PLCL2: variants seen among roughly 807,000 people sequenced by gnomAD.
PLCL2 encodes the protein inactive phospholipase C-like protein 2.
Under a neutral mutation model 79.6 loss-of-function variants are expected in PLCL2, and 4 were observed. That is an observed-to-expected ratio of 0.05 (90% CI 0.02 to 0.11). The LOEUF is 0.11. Ranked by LOEUF, PLCL2 falls within the 10% of genes least tolerant of loss-of-function variation. PLCL2 has a pLI of 1.00. For missense variants in PLCL2, 895 were observed against 1,291.0 expected (o/e 0.69, Z 4.70); for synonymous variants, 484 against 457.7 (o/e 1.06, Z -0.73).
rs184153272 is a variant in PLCL2 at position 17,050,938 on chromosome 3, A to G, written c.3094+7989A>G. On this transcript the variant is annotated intron_variant, in intron 4 of 5. Coordinates refer to ENST00000615277, the MANE Select transcript of PLCL2 (RefSeq NM_001144382.2). The stretch of plus-strand genomic sequence containing the variant: ...TGAATGGATATTGTGTGTGATACTT[A>G]TACACAATGGAGTGCTATTCAGCCA... 7.2e-5 allele frequency among the ~76,000 whole-genome samples: 11 copies of G among 152,344 alleles called. No individual in the cohort carries two copies. In the East Asian group the frequency reaches 1.3e-3, roughly 19 times the overall value.
intron 1 of PLCL2, among the ~76,000 whole-genome samples, chr3:16,938,434 C>T (rs897377902): frequency 1.3e-5 from 2 of 152,050 alleles, no homozygotes; most frequent in African/African-American, 2.4e-5. Context: ...TTCTTTCTGT[C>T]CATCCTTACC....
intron 5 of PLCL2, among the ~76,000 whole-genome samples, chr3:17,081,787 G>A (rs749836707): frequency 6.6e-6 from 1 of 152,174 alleles, no homozygotes; most frequent in Non-Finnish European, 1.5e-5. Context: ...CGCCAGACTC[G>A]CAGCAAGAGC....
intron 4 of PLCL2, among the ~76,000 whole-genome samples, chr3:17,065,822 G>A (rs1219030625): frequency 6.6e-6 from 1 of 152,072 alleles, no homozygotes; most frequent in Non-Finnish European, 1.5e-5. Context: ...CATATTTCTT[G>A]TTTGTAGAGA....
intron 1 of PLCL2, among the ~76,000 whole-genome samples, chr3:16,893,481 A>T (rs949564194): frequency 3.3e-5 from 5 of 152,204 alleles, no homozygotes; most frequent in Non-Finnish European, 5.9e-5. Flanking sequence ...GATATTGCAG[A>T]TATTAACATC....
At position 16,952,579 on chromosome 3, in the gene PLCL2, G is replaced by A. The variant is rs76665077; in HGVS notation, c.328-57095G>A. On this transcript the variant is annotated intron_variant, in intron 1 of 5. Coordinates refer to ENST00000615277, the MANE Select transcript of PLCL2 (RefSeq NM_001144382.2). ...TTTAAAAAGAATATTTAAGATTATG[G>A]GGGAAATTATTCCTGGCATCTTTAT... Among the ~76,000 whole-genome samples, 803 of 151,850 alleles carry A rather than the reference G, an allele frequency of 5.3e-3. 12 individuals carry two copies. Among genetic ancestry groups the A allele is most frequent in the African/African-American group, 0.019 (781 of 41,466 alleles).
intron 1 of PLCL2, among the ~76,000 whole-genome samples, chr3:17,000,077 T>C (rs551641659): frequency 2.6e-5 from 4 of 152,292 alleles, no homozygotes; most frequent in African/African-American, 7.2e-5. Context: ...CACAGTCTTG[T>C]AGAGCCTCTG....
chr3:16,947,065 C>T (rs1214580760), intron 1 of PLCL2, among the ~76,000 whole-genome samples: 9 of 145,608 alleles, frequency 6.2e-5, no homozygotes, highest in African/African-American at 2.3e-4. Flanking sequence ...AGGTGATCCT[C>T]CCACCTCAGC....
intron 1 of PLCL2, among the ~76,000 whole-genome samples, chr3:16,972,301 C>T: frequency 6.6e-6 from 1 of 152,146 alleles, no homozygotes; most frequent in East Asian, 1.9e-4. Flanking sequence ...AGCCCAAAAT[C>T]TCCTTAAGCT....
rs112081776 is a variant in PLCL2 at position 17,056,161 on chromosome 3, C to T, written c.3095-11795C>T. Among the ~76,000 whole-genome samples, 574 of 152,284 alleles carry T rather than the reference C, an allele frequency of 3.8e-3. 6 individuals carry two copies. Among genetic ancestry groups the T allele is most frequent in the African/African-American group, 0.013 (543 of 41,552 alleles). ...CTGAAGAGGGGTCACGAGTAACTCTCAGGCTGTTTTTAACTCTGGCACTTG... is the reference window on the plus strand; with the variant it reads ...CTGAAGAGGGGTCACGAGTAACTCTTAGGCTGTTTTTAACTCTGGCACTTG... On this transcript the variant is annotated intron_variant, in intron 4 of 5. Coordinates refer to ENST00000615277, the MANE Select transcript of PLCL2 (RefSeq NM_001144382.2).
chr3:16,924,554 G>T (rs1697200427), intron 1 of PLCL2, among the ~76,000 whole-genome samples: 1 of 152,196 alleles, frequency 6.6e-6, no homozygotes. Context: ...GACCCTGGAG[G>T]TCAGCCAGAG....
Position 16,972,284 on chromosome 3 carries a change from T to C in PLCL2, c.328-37390T>C, listed in dbSNP as rs145045874. Among the ~76,000 whole-genome samples, 142 of 152,296 alleles carry C rather than the reference T, an allele frequency of 9.3e-4. 3 individuals carry two copies. In the East Asian group the frequency reaches 0.019, roughly 20 times the overall value. ...ATGATTGTATATCTCGAAAACCCCA[T>C]TGTCTCAGCCCAAAATCTCCTTAAG... On this transcript the variant is annotated intron_variant, in intron 1 of 5. Transcript: ENST00000615277.
At chr3:17,005,362 A>G (rs1174451118) in intron 1 of PLCL2, among the ~76,000 whole-genome samples, 3 of 130,702 alleles carry the variant, frequency 2.3e-5, no homozygotes, top group Non-Finnish European at 4.8e-5. Flanking sequence ...AGGTTCACCT[A>G]TTCCTTATCC....
intron 5 of PLCL2, among the ~76,000 whole-genome samples, chr3:17,071,327 T>G (rs1553651606): frequency 6.6e-6 from 1 of 152,206 alleles, no homozygotes; most frequent in Non-Finnish European, 1.5e-5. Context: ...AGTTTTTTTT[T>G]ATTTTGAAGG....
intron 1 of PLCL2, among the ~76,000 whole-genome samples, chr3:16,905,803 G>A (rs546209700): frequency 6.6e-6 from 1 of 152,338 alleles, no homozygotes; most frequent in East Asian, 1.9e-4. Flanking sequence ...CATACAGGGA[G>A]CCTATTAGTT....
intron 3 of PLCL2, among the ~76,000 whole-genome samples, chr3:17,031,442 T>C (rs2064580862): frequency 6.6e-6 from 1 of 152,186 alleles, no homozygotes; most frequent in Non-Finnish European, 1.5e-5. Context: ...CTGCAGAGAA[T>C]ACTTGAGCAC....
chr3:17,047,137 C>T (rs534538193), intron 4 of PLCL2, among the ~76,000 whole-genome samples: 14 of 152,118 alleles, frequency 9.2e-5, no homozygotes, highest in Non-Finnish European at 1.5e-4. Flanking sequence ...TGGTTCTTTA[C>T]GTACATGCAT....
chr3:17,071,770 C>T (rs2065062391), intron 5 of PLCL2, among the ~76,000 whole-genome samples: 2 of 152,256 alleles, frequency 1.3e-5, no homozygotes, highest in Admixed American at 6.5e-5. Flanking sequence ...TGGCACATCT[C>T]ACAAGCACTA....
At chr3:16,930,280 G>A (rs572417223) in intron 1 of PLCL2, among the ~76,000 whole-genome samples, 37 of 152,236 alleles carry the variant, frequency 2.4e-4, no homozygotes, top group African/African-American at 8.9e-4. Context: ...GAGATTTCAC[G>A]AGTAGATGAA....
At chr3:16,978,198 T>C (rs75819126) in intron 1 of PLCL2, among the ~76,000 whole-genome samples, 1,645 of 152,368 alleles carry the variant, frequency 0.011, 30 homozygotes, top group Admixed American at 0.046. Context: ...GTATTTAAAA[T>C]GTAGTAAAAG....
Sources: gnomAD v4.1 joint callset for allele counts (sites outside exome capture counted in the v4.1 genomes callset) on GRCh38, gnomAD v4.1.1 for gene constraint, MANE v1.5 for transcripts, NCBI Gene and HGNC (gene_info 2026-07-23, HGNC 2026-07-21) for gene names.